TRAPPC10: variants seen among roughly 807,000 people sequenced by gnomAD.
TRAPPC10 encodes trafficking protein particle complex subunit 10, also known as TRAPP 130 kDa subunit.
A neutral mutation model predicts 125.5 loss-of-function variants in TRAPPC10; 23 were observed. The ratio of observed to expected loss-of-function variants is 0.18; its 90% confidence interval spans 0.13 to 0.26. The LOEUF is 0.26. Ranked by LOEUF, TRAPPC10 falls within the 10% of genes least tolerant of loss-of-function variation. The pLI, the probability that TRAPPC10 is intolerant of heterozygous loss-of-function variation, is 1.00. For missense variants in TRAPPC10, 1,123 were observed against 1,308.4 expected (o/e 0.86, Z 2.19); for synonymous variants, 509 against 518.0 (o/e 0.98, Z 0.24).
intron 7 of TRAPPC10, among the ~76,000 whole-genome samples, chr21:44,072,895 G>A (rs2036985475): frequency 6.6e-6 from 1 of 152,204 alleles, no homozygotes; most frequent in African/African-American, 2.4e-5. Flanking sequence ...CCTGGCACCT[G>A]GGAACCAGGC....
At chr21:44,088,014 T>C (rs1233466125) in intron 17 of TRAPPC10, 86 bp downstream of exon 17, 2 of 1,189,176 alleles carry the variant, frequency 1.7e-6, no homozygotes, top group African/African-American at 1.5e-5. Context: ...CGATGCCTGC[T>C]GTTAGCCTGG....
At chr21:44,023,125 C>T (rs191698993) in intron 1 of TRAPPC10, among the ~76,000 whole-genome samples, 40 of 150,382 alleles carry the variant, frequency 2.7e-4, no homozygotes, top group Admixed American at 2.1e-3. Flanking sequence ...TTCCACCTCC[C>T]GGGTTCACGC....
Position 44,060,864 on chromosome 21 carries a change from G to A in TRAPPC10, c.790+1650G>A, listed in dbSNP as rs2035985234. Among the ~76,000 whole-genome samples the A allele has an allele frequency of 1.3e-5, 2 of 151,356 alleles. 1 individual carries two copies. Among genetic ancestry groups the A allele is most frequent in the South Asian group, 4.2e-4 (2 of 4,808 alleles). On this transcript the variant is annotated intron_variant, in intron 6 of 22. Coordinates refer to ENST00000291574, the MANE Select transcript of TRAPPC10 (RefSeq NM_003274.5). ...GATCCTCTTGCCTCGGCTTCCCAAA[G>A]TGCTGGGATTATAGTTGTGAGCCAC...
chr21:44,076,113 G>A (rs1437718252), intron 9 of TRAPPC10, among the ~76,000 whole-genome samples: 3 of 152,064 alleles, frequency 2.0e-5, no homozygotes. Flanking sequence ...ATTGTTTTAC[G>A]TAGGAATATA....
chr21:44,046,957 T>A (rs778692470), intron 3 of TRAPPC10: 4 of 839,814 alleles, frequency 4.8e-6, no homozygotes, highest in African/African-American at 1.7e-5. Context: ...TATGGCCCAC[T>A]GGGAACTGCA....
Position 44,082,295 on chromosome 21 carries a change from A to G in TRAPPC10, c.1724-493A>G, listed in dbSNP as rs1280615823. Among the ~76,000 whole-genome samples the G allele has an allele frequency of 6.6e-6, 1 of 152,226 alleles. No homozygotes were observed. Among genetic ancestry groups the G allele is most frequent in the Non-Finnish European group, 1.5e-5 (1 of 68,042 alleles). Reference sequence around the variant, plus strand: ...ACTGTAGACCTGGCTGGTTGCTGCCATCCTGGGCCTGGGGGCACAGAGGGG... The same window carrying G: ...ACTGTAGACCTGGCTGGTTGCTGCCGTCCTGGGCCTGGGGGCACAGAGGGG... On this transcript the variant is annotated intron_variant, in intron 13 of 22. Coordinates refer to ENST00000291574, the MANE Select transcript of TRAPPC10 (RefSeq NM_003274.5). The surrounding 1 kb of genome is among the most constrained non-coding windows in gnomAD (Gnocchi z 4.4).
At chr21:44,088,200 G>A in intron 17 of TRAPPC10, 1 of 485,728 alleles carries the variant, frequency 2.1e-6, no homozygotes, top group Non-Finnish European at 3.8e-6. Context: ...GCCGGCTTAG[G>A]CATGAGGGGC....
At chr21:44,046,383 A>G (rs946613214) in intron 3 of TRAPPC10, 1 of 272,218 alleles carries the variant, frequency 3.7e-6, no homozygotes, top group Non-Finnish European at 7.8e-6. Flanking sequence ...TCCCAGTCAG[A>G]GATTTGTGGG....
At chr21:44,068,598 G>A (rs913055756) in intron 7 of TRAPPC10, among the ~76,000 whole-genome samples, 8 of 152,074 alleles carry the variant, frequency 5.3e-5, no homozygotes, top group Admixed American at 5.2e-4. Context: ...GGCAGTTGAG[G>A]TAGATTTTAT....
intron 7 of TRAPPC10, among the ~76,000 whole-genome samples, chr21:44,068,522 G>A (rs2036619040): frequency 6.6e-6 from 1 of 152,178 alleles, no homozygotes; most frequent in Admixed American, 6.5e-5. Flanking sequence ...GGCAGAGAGA[G>A]GCAGAGAGAG....
At chr21:44,076,713 G>A in intron 10 of TRAPPC10, 85 bp downstream of exon 10, 1 of 1,214,354 alleles carries the variant, frequency 8.2e-7, no homozygotes, top group Non-Finnish European at 1.2e-6. Flanking sequence ...AGTTGGGAAG[G>A]AACTGGTGTG....
In TRAPPC10 at chr21:44,079,653, A is replaced by G. The variant is rs1473473694; in HGVS notation, c.1559A>G (p.His520Arg). 2 of 1,611,226 alleles carry G rather than the reference A, an allele frequency of 1.2e-6. No homozygotes were observed. The highest frequency in any genetic ancestry group is 8.5e-7 in the Non-Finnish European group (1 of 1,179,352). Residue 520 changes from histidine (H) to arginine (R), a missense_variant, in exon 12 of 23, where the codon CAC becomes CGC. His to Arg is a conservative substitution (Grantham distance 29). Transcript: ENST00000291574. The stretch of plus-strand genomic sequence containing the variant: ...GAGGGCTGGGCACTCCCCATCACAC[A>G]CACAAGGAAGCAGCTGGCCGAATGT... ...LAEGWALPIT[H>R]TRKQLAECQK...
chr21:44,046,856 G>A (rs2034856046), intron 3 of TRAPPC10: 1 of 727,128 alleles, frequency 1.4e-6, no homozygotes, highest in Non-Finnish European at 2.5e-6. Flanking sequence ...TCCCTCTGCA[G>A]CGAGGTACTC....
At chr21:44,077,368 A>G (rs2037363250) in intron 10 of TRAPPC10, among the ~76,000 whole-genome samples, 1 of 152,220 alleles carries the variant, frequency 6.6e-6, no homozygotes, top group Admixed American at 6.5e-5. Flanking sequence ...CAGGTGGATC[A>G]CTTGAGGTCA....
intron 2 of TRAPPC10, among the ~76,000 whole-genome samples, chr21:44,035,186 G>A (rs1013264233): frequency 1.3e-5 from 2 of 152,194 alleles, no homozygotes; most frequent in Admixed American, 1.3e-4. Context: ...TCCTTATCAC[G>A]TGAGTGGCTT....
chr21:44,033,190 A>G (rs1360713046), intron 2 of TRAPPC10, among the ~76,000 whole-genome samples: 1 of 152,226 alleles, frequency 6.6e-6, no homozygotes, highest in Non-Finnish European at 1.5e-5. Flanking sequence ...TAACCAGGGT[A>G]TACAGAATTT....
intron 1 of TRAPPC10, 113 bp from the exon 2 acceptor site, chr21:44,031,978 T>G (rs1002553770): frequency 2.4e-6 from 2 of 827,492 alleles, no homozygotes; most frequent in Admixed American, 2.2e-5. Flanking sequence ...TCTTGCGATA[T>G]CGCTTTACTA....
At chr21:44,060,975 G>A (rs994489642) in intron 6 of TRAPPC10, among the ~76,000 whole-genome samples, 2 of 141,030 alleles carry the variant, frequency 1.4e-5, no homozygotes, top group Admixed American at 1.4e-4. Context: ...GTCTTGCTTT[G>A]TTGCCAGGCT....
At position 44,087,890 on chromosome 21, in the gene TRAPPC10, CAG is replaced by C. The variant is rs1328744744; in HGVS notation, c.2735_2736del (p.Arg912AsnfsTer15). On this transcript the variant is annotated frameshift_variant, in exon 17 of 23. Transcript: ENST00000291574. LOFTEE classifies it high-confidence loss of function. The surrounding 1 kb of genome is among the most constrained non-coding windows in gnomAD (Gnocchi z 4.6). Reference protein sequence around the residue: ...AEPHRKHKDKQRTGRCMVTTD... With the variant: ...AEPHRKHKDKXRTGRCMVTTD... ...GCCCCACAGGAAGCATAAGGACAAACAGAGAACTGGCCGCTGCATGGTTACCA... is the reference window on the plus strand; with the variant it reads ...GCCCCACAGGAAGCATAAGGACAAACAGAACTGGCCGCTGCATGGTTACCA... 1 of 1,614,094 alleles carries C rather than the reference CAG, an allele frequency of 6.2e-7. No individual in the cohort carries two copies. The highest frequency in any genetic ancestry group is 8.5e-7 in the Non-Finnish European group (1 of 1,180,014).
Sources: allele counts gnomAD v4.1 joint callset (sites outside exome capture counted in the v4.1 genomes callset), GRCh38; gene constraint gnomAD v4.1.1; non-coding constraint Gnocchi (gnomAD v3.1); transcripts MANE v1.5; gene names NCBI Gene and HGNC (gene_info 2026-07-23, HGNC 2026-07-21).